The following NEDD4L variants were observed in gnomAD, a reference collection of about 807,000 sequenced individuals.
The protein encoded by NEDD4L is NEDD4 like E3 ubiquitin protein ligase.
Under a neutral mutation model 148.9 loss-of-function variants are expected in NEDD4L, and 54 were observed. The observed-to-expected ratio is 0.36, with a 90% CI of 0.29 to 0.45. The LOEUF (loss-of-function observed/expected upper bound fraction) is 0.45, where lower values mean the gene tolerates loss of function less well. Among genes scored for constraint, NEDD4L ranks in the 20% least tolerant of loss-of-function variants. The pLI, the probability that NEDD4L is intolerant of heterozygous loss-of-function variation, is 1.00. For synonymous variants in NEDD4L, 433 were observed against 440.7 expected, an observed-to-expected ratio of 0.98 and a Z score of 0.22; for missense variants, 856 against 1,233.8, an observed-to-expected ratio of 0.69 and a Z score of 4.59.
At chr18:58,203,798 G>A (rs1184304798) in intron 2 of NEDD4L, among the ~76,000 whole-genome samples, 4 of 151,920 alleles carry the variant, frequency 2.6e-5, no homozygotes, top group Non-Finnish European at 5.9e-5. Flanking sequence ...GAGAAGACTA[G>A]TGAATCAGAC....
chr18:58,284,428 A>G, intron 5 of NEDD4L, among the ~76,000 whole-genome samples: 1 of 152,206 alleles, frequency 6.6e-6, no homozygotes, highest in East Asian at 1.9e-4. Context: ...AAGAGAAATA[A>G]GGGACTATGC....
At chr18:58,345,864 C>T (rs1300446219) in intron 16 of NEDD4L, among the ~76,000 whole-genome samples, 3 of 151,952 alleles carry the variant, frequency 2.0e-5, no homozygotes, top group Non-Finnish European at 2.9e-5. Context: ...GCCTCAGCCT[C>T]CTGAGTAGCT....
At chr18:58,348,754 A>G (rs2043460107) in intron 16 of NEDD4L, among the ~76,000 whole-genome samples, 2 of 152,070 alleles carry the variant, frequency 1.3e-5, no homozygotes. Flanking sequence ...CCTCCTACCA[A>G]GGGTCTGTTG....
chr18:58,263,630 C>A (rs17064577), intron 5 of NEDD4L, among the ~76,000 whole-genome samples: 4,923 of 145,010 alleles, frequency 0.034, 265 homozygotes, highest in African/African-American at 0.12. Flanking sequence ...TTGACATTTT[C>A]AAGCGTGATA....
chr18:58,213,379 A>G (rs1230287588), intron 2 of NEDD4L, among the ~76,000 whole-genome samples: 1 of 152,242 alleles, frequency 6.6e-6, no homozygotes, highest in East Asian at 1.9e-4. Flanking sequence ...ACCATGTAAT[A>G]TTATGAGAGA....
chr18:58,110,665 C>T (rs779724233), intron 1 of NEDD4L, among the ~76,000 whole-genome samples: 1 of 152,222 alleles, frequency 6.6e-6, no homozygotes, highest in Non-Finnish European at 1.5e-5. Flanking sequence ...TTGTTTTAGG[C>T]TCTTTAAGAT....
intron 1 of NEDD4L, among the ~76,000 whole-genome samples, chr18:58,052,834 C>T (rs8094065): frequency 0.9 from 137,422 of 152,144 alleles, 62,142 homozygotes; most frequent in East Asian, 1. Flanking sequence ...GGCGTCGTGG[C>T]GTGCCCCTGT....
Position 58,086,319 on chromosome 18 carries a change from A to G in NEDD4L, c.48+41611A>G, listed in dbSNP as rs944047670. On this transcript the variant is annotated intron_variant, in intron 1 of 30. Transcript: ENST00000400345. ...TTTTCATATTTGCTTGTAGATCCAT[A>G]AGAAACTTGGGAAGAATTCCTAAGA... Among the ~76,000 whole-genome samples, 2 of 152,148 alleles carry G rather than the reference A, an allele frequency of 1.3e-5. 1 individual carries two copies. The highest frequency in any genetic ancestry group is 4.1e-4 in the South Asian group (2 of 4,830).
At chr18:58,100,850 A>G (rs2084706739) in intron 1 of NEDD4L, among the ~76,000 whole-genome samples, 1 of 152,242 alleles carries the variant, frequency 6.6e-6, no homozygotes, top group African/African-American at 2.4e-5. Context: ...TCTGCCATCC[A>G]GGCTGGAGTG....
chr18:58,367,573 G>T (rs959107420), intron 21 of NEDD4L, among the ~76,000 whole-genome samples, 173 bp from the exon 22 acceptor site: 6 of 152,196 alleles, frequency 3.9e-5, no homozygotes, highest in African/African-American at 1.4e-4. Flanking sequence ...AGCCTCCATG[G>T]TGGGTCACGG....
chr18:58,342,855 C>A, intron 15 of NEDD4L, 51 bp from the exon 16 acceptor site: 1 of 1,414,820 alleles, frequency 7.1e-7, no homozygotes, highest in Non-Finnish European at 9.4e-7. Context: ...CATTTTGGCA[C>A]ATTGGAATCG....
chr18:58,357,327 A>G, intron 19 of NEDD4L, 75 bp downstream of exon 19: 3 of 1,225,280 alleles, frequency 2.4e-6, no homozygotes, highest in Non-Finnish European at 3.6e-6. Context: ...TGTATTACTG[A>G]TAACGGTGAT....
chr18:58,050,509 C>T (rs1268598259), intron 1 of NEDD4L, among the ~76,000 whole-genome samples: 1 of 151,704 alleles, frequency 6.6e-6, no homozygotes, highest in African/African-American at 2.4e-5. Context: ...GCCCGTAATC[C>T]CAGCACTTTG....
intron 4 of NEDD4L, among the ~76,000 whole-genome samples, chr18:58,250,322 G>T (rs901316745): frequency 6.6e-6 from 1 of 152,030 alleles, no homozygotes; most frequent in African/African-American, 2.4e-5. Context: ...GCTAATTTTT[G>T]TATTTTTAGT....
chr18:58,236,850 C>T (rs529938609), intron 2 of NEDD4L, among the ~76,000 whole-genome samples: 1 of 152,138 alleles, frequency 6.6e-6, no homozygotes, highest in African/African-American at 2.4e-5. Context: ...ATGGAGAAAC[C>T]CCATCTCTAC....
At chr18:58,225,460 C>T (rs2044252815) in intron 2 of NEDD4L, among the ~76,000 whole-genome samples, 2 of 152,232 alleles carry the variant, frequency 1.3e-5, no homozygotes, top group Non-Finnish European at 2.9e-5. Flanking sequence ...ATCCGCTTCA[C>T]AATTAAATTT....
intron 25 of NEDD4L, 71 bp downstream of exon 25, chr18:58,383,390 G>A: frequency 1.2e-6 from 1 of 844,642 alleles, no homozygotes; most frequent in Non-Finnish European, 1.9e-6. Flanking sequence ...GTCCCTTGCT[G>A]AAACAGCTCA....
At chr18:58,064,783 C>T (rs2082515523) in intron 1 of NEDD4L, among the ~76,000 whole-genome samples, 1 of 152,180 alleles carries the variant, frequency 6.6e-6, no homozygotes, top group Non-Finnish European at 1.5e-5. Flanking sequence ...CTAAAGCTTC[C>T]TGTGCCAGGA....
At chr18:58,327,180 C>T (rs1156705975) in intron 9 of NEDD4L, among the ~76,000 whole-genome samples, 3 of 152,184 alleles carry the variant, frequency 2.0e-5, no homozygotes, top group Admixed American at 2.0e-4. Context: ...TCACTGCAAC[C>T]TCCGCCTCCC....
Sources: allele counts gnomAD v4.1 joint callset (sites outside exome capture counted in the v4.1 genomes callset), GRCh38; gene constraint gnomAD v4.1.1; transcripts MANE v1.5; gene names NCBI Gene and HGNC (gene_info 2026-07-23, HGNC 2026-07-21).